Variants in SNRNP35 observed in about 807,000 individuals in gnomAD.
SNRNP35 encodes small nuclear ribonucleoprotein U11/U12 subunit 35.
SNRNP35 carries 16 observed loss-of-function variants against 24.3 expected under a neutral mutation model. The ratio of observed to expected loss-of-function variants is 0.66; its 90% CI spans 0.45 to 1.00. SNRNP35 has a LOEUF of 1.00. SNRNP35 is among the 50% of genes least tolerant of loss of function. The pLI, the probability that SNRNP35 is intolerant of heterozygous loss-of-function variation, is 0.00. For missense variants in SNRNP35, 292 were observed against 327.2 expected (o/e 0.89, Z 0.83); for synonymous variants, 106 against 124.8 (o/e 0.85, Z 1.00).
chr12:123,468,219 C>T (rs183375297), downstream of SNRNP35, among the ~76,000 whole-genome samples: 49 of 151,776 alleles, frequency 3.2e-4, no homozygotes, highest in African/African-American at 1.1e-3. Context: ...ATTAACTGGG[C>T]GTGGTGGCAG....
chr12:123,467,360 C>T (rs535200094), downstream of SNRNP35, among the ~76,000 whole-genome samples: 41 of 152,108 alleles, frequency 2.7e-4, no homozygotes, highest in African/African-American at 9.9e-4. Flanking sequence ...GCCTTCCAGC[C>T]CTTTGAAAAG....
chr12:123,469,857 A>C (rs1881105511), downstream of SNRNP35, among the ~76,000 whole-genome samples: 1 of 140,182 alleles, frequency 7.1e-6, no homozygotes, highest in African/African-American at 2.5e-5. Flanking sequence ...GCATGAATAT[A>C]TTATGCTGCC....
At chr12:123,463,408 C>T (rs1030561824) in intron 1 of SNRNP35, among the ~76,000 whole-genome samples, 8 of 151,408 alleles carry the variant, frequency 5.3e-5, no homozygotes, top group Non-Finnish European at 1.0e-4. Flanking sequence ...GACAGACTCT[C>T]GCTCTGTCAC....
downstream of SNRNP35, chr12:123,470,473 C>T (rs1043405482): frequency 1.7e-4 from 15 of 86,162 alleles, no homozygotes; most frequent in African/African-American, 5.3e-4. Context: ...ACCCTGTGTC[C>T]AAAAAAAAAA....
chr12:123,470,345 C>T (rs756634573), downstream of SNRNP35: 2 of 150,964 alleles, frequency 1.3e-5, no homozygotes, highest in Non-Finnish European at 2.9e-5. Context: ...TGGTGGTGCA[C>T]ATCAGTAGTA....
rs200372265 is a variant in SNRNP35, at chr12:123,465,503, G to C, written c.-3-35G>C. 235 of 1,518,928 alleles carry C rather than the reference G, an allele frequency of 1.5e-4. No homozygotes were observed. Among genetic ancestry groups the C allele is most frequent in the Non-Finnish European group, 1.9e-4 (210 of 1,134,070 alleles). 94.1% of individuals were successfully genotyped at this position (1,518,928 alleles called of 1,614,324 possible). ...AGGGTTGAATGAGTGGCTCAGAGTA[G>C]AGGCTCCATCCACGCTTGCTCTTAT... On this transcript the variant is annotated intron_variant, in intron 1 of 1. Transcript: ENST00000526639. This position sits in a 1 kb window ranked among gnomAD's most constrained non-coding sequence, Gnocchi z 4.2.
At chr12:123,471,072 CTT>C (rs869229964), downstream of SNRNP35, 87 of 134,330 alleles carry the variant, frequency 6.5e-4, no homozygotes, top group Admixed American at 1.2e-3. Flanking sequence ...TTCTTTCTTT[CTT>C]TTTTTTTTTT....
At chr12:123,470,004 C>T (rs1566107153), downstream of SNRNP35, 1 of 151,628 alleles carries the variant, frequency 6.6e-6, no homozygotes, top group Non-Finnish European at 1.5e-5. Flanking sequence ...AAGACCTTGT[C>T]CCTTAAGAAA....
chr12:123,459,799 A>C, intron 1 of SNRNP35: 1 of 1,543,906 alleles, frequency 6.5e-7, no homozygotes, highest in East Asian at 2.4e-5. Flanking sequence ...GTAAAAAAAG[A>C]GAATGTAAAA....
intron 1 of SNRNP35, among the ~76,000 whole-genome samples, chr12:123,458,529 G>A (rs1880407761): frequency 6.6e-6 from 1 of 151,962 alleles, no homozygotes; most frequent in African/African-American, 2.4e-5. Flanking sequence ...GGCCCACTGC[G>A]CATGCCCTGG....
downstream of SNRNP35, chr12:123,470,910 C>T (rs1881160088): frequency 1.3e-5 from 2 of 152,164 alleles, no homozygotes; most frequent in Non-Finnish European, 2.9e-5. Context: ...TGCTTCTATA[C>T]TCTTTGAGAA....
chr12:123,469,126 G>A (rs1425860749), downstream of SNRNP35, among the ~76,000 whole-genome samples: 3 of 151,526 alleles, frequency 2.0e-5, no homozygotes, highest in Non-Finnish European at 4.4e-5. Context: ...CCCCTGGGGG[G>A]CTCAGTCATC....
At position 123,465,073 on chromosome 12, in the gene SNRNP35, A is replaced by T. The variant is rs1880870617; in HGVS notation, c.-3-465A>T. Among the ~76,000 whole-genome samples the T allele has an allele frequency of 6.6e-6, 1 of 152,116 alleles. No homozygotes were observed. Among genetic ancestry groups the T allele is most frequent in the South Asian group, 2.1e-4 (1 of 4,828 alleles). On this transcript the variant is annotated intron_variant, in intron 1 of 1. Coordinates refer to ENST00000526639, the MANE Select transcript of SNRNP35 (RefSeq NM_022717.4). The surrounding 1 kb of genome is among the most constrained non-coding windows in gnomAD (Gnocchi z 4.2). Reference sequence around the variant, plus strand: ...GAAGTTTGTGGAGGGTTATTATATGATTCTCTATGTTGGTATTTGATATTC... The same window carrying T: ...GAAGTTTGTGGAGGGTTATTATATGTTTCTCTATGTTGGTATTTGATATTC...
chr12:123,466,466 A>C lies in SNRNP35; in HGVS notation c.*185A>C, dbSNP rs1468676778. The C allele has an allele frequency of 3.6e-6, 2 of 555,070 alleles. No homozygotes were observed. The highest frequency in any genetic ancestry group is 3.8e-5 in the African/African-American group (2 of 52,096). The allele number at this position is 555,070 out of a possible 1,614,324, so 34.4% of individuals were successfully genotyped here. On this transcript the variant is annotated 3_prime_UTR_variant, in exon 2 of 2. Coordinates refer to ENST00000526639, the MANE Select transcript of SNRNP35 (RefSeq NM_022717.4). ...TAGGAATTTATCATCTTCCTCACAT[A>C]GTTCTAAGGACATGTTATTTAACAG...
At chr12:123,472,900 T>C in exon 2 of SNRNP35, 1 of 537,672 alleles carries the variant, frequency 1.9e-6, no homozygotes, top group Non-Finnish European at 3.4e-6. Context: ...GGTCACGCGG[T>C]ATGGGCAAGG....
downstream of SNRNP35, among the ~76,000 whole-genome samples, chr12:123,468,516 TTC>T (rs903116827): frequency 6.6e-6 from 1 of 152,044 alleles, no homozygotes; most frequent in Non-Finnish European, 1.5e-5. Flanking sequence ...TGGTGAAAAC[TTC>T]TCTTTACGAA....
At chr12:123,460,134 T>A (rs1449999317) in intron 1 of SNRNP35, among the ~76,000 whole-genome samples, 1 of 152,118 alleles carries the variant, frequency 6.6e-6, no homozygotes, top group African/African-American at 2.4e-5. Flanking sequence ...ACCGGGCCCC[T>A]TGTGACTTTT....
exon 2 of SNRNP35, chr12:123,472,786 CA>C (rs780064857): frequency 2.7e-5 from 33 of 1,232,914 alleles, no homozygotes; most frequent in Non-Finnish European, 3.6e-5. Context: ...TAGAAGGGAG[CA>C]AATCAATTCA....
downstream of SNRNP35, among the ~76,000 whole-genome samples, chr12:123,469,751 A>G (rs1420659396): frequency 2.0e-5 from 3 of 151,886 alleles, no homozygotes. Flanking sequence ...GATCCTCCCT[A>G]CTTGACCTCC....
Sources: allele counts gnomAD v4.1 joint callset (sites outside exome capture counted in the v4.1 genomes callset), GRCh38; gene constraint gnomAD v4.1.1; non-coding constraint Gnocchi (gnomAD v3.1); transcripts MANE v1.5; gene names NCBI Gene and HGNC (gene_info 2026-07-23, HGNC 2026-07-21).